Variants in MGA observed in about 807,000 individuals in gnomAD.
MGA encodes the protein MAX dimerization protein MGA, also known as MAX gene-associated protein.
A neutral mutation model predicts 261.1 loss-of-function variants in MGA; 40 were observed. The observed-to-expected ratio is 0.15, with a 90% CI of 0.12 to 0.20. The LOEUF (loss-of-function observed/expected upper bound fraction) is 0.20. MGA is among the 10% of genes least tolerant of loss of function. The pLI, the probability that MGA is intolerant of heterozygous loss-of-function variation, is 1.00. For missense variants in MGA, 3,397 were observed against 3,630.5 expected (o/e 0.94, Z 1.65); for synonymous variants, 1,302 against 1,290.6 (o/e 1.01, Z -0.19).
intron 1 of MGA, among the ~76,000 whole-genome samples, chr15:41,664,188 C>A (rs1304198655): frequency 6.6e-6 from 1 of 152,188 alleles, no homozygotes; most frequent in Non-Finnish European, 1.5e-5. Flanking sequence ...TGTCTTCAGG[C>A]ACATTTTTAC....
At chr15:41,668,666 T>G (rs953225252) in intron 1 of MGA, among the ~76,000 whole-genome samples, 162 bp from the exon 2 acceptor site, 1 of 152,230 alleles carries the variant, frequency 6.6e-6, no homozygotes, top group East Asian at 1.9e-4. Context: ...AGAGTAAATA[T>G]TCTTACTGTG....
rs758843277 is a variant in MGA at position 41,767,255 on chromosome 15, C to A, written c.9173C>A (p.Ala3058Asp). ...GTGGCTAAATTGGGCAACTCGGGGG[C>A]CTCACCAAGTTCTGCAGGGAAATGA... The change falls in exon 24 of 24, where the codon GCC (alanine) becomes GAC (aspartate). Residue 3058 changes from alanine to aspartate, a missense_variant. Ala to Asp is a moderately radical substitution (Grantham distance 126). Coordinates refer to ENST00000219905, the MANE Select transcript of MGA (RefSeq NM_001164273.2). The A allele has an allele frequency of 4.3e-6, 7 of 1,611,940 alleles. No individual in the cohort carries two copies. Among genetic ancestry groups the A allele is most frequent in the Non-Finnish European group, 5.9e-6 (7 of 1,178,656 alleles).
At chr15:41,743,237 GT>G (rs2062219605) in intron 15 of MGA, 65 bp downstream of exon 15, 1 of 1,467,936 alleles carries the variant, frequency 6.8e-7, no homozygotes, top group African/African-American at 1.4e-5. Context: ...CTTTGTGGTT[GT>G]GTTAGGATTA....
intron 13 of MGA, among the ~76,000 whole-genome samples, chr15:41,739,167 A>G (rs2061954725): frequency 6.6e-6 from 1 of 152,128 alleles, no homozygotes; most frequent in South Asian, 2.1e-4. Flanking sequence ...ACAAAAAACA[A>G]CTGTGCTGGT....
intron 9 of MGA, chr15:41,718,286 AGT>A (rs536829836): frequency 1.9e-3 from 399 of 208,746 alleles, no homozygotes; most frequent in Middle Eastern, 6.9e-3. Context: ...GTGTATATGT[AGT>A]GTGTGTGTGT....
intron 2 of MGA, among the ~76,000 whole-genome samples, chr15:41,681,735 G>A (rs1311153828): frequency 6.6e-6 from 1 of 151,856 alleles, no homozygotes; most frequent in Admixed American, 6.6e-5. Context: ...CAGGTGTGAG[G>A]CACCATGCTT....
chr15:41,643,531 C>T (rs1005476604), intron 1 of MGA, among the ~76,000 whole-genome samples: 4 of 151,782 alleles, frequency 2.6e-5, no homozygotes, highest in South Asian at 2.1e-4. Context: ...TGAGCCACTG[C>T]GCCTGGCCCT....
At chr15:41,643,045 G>C (rs1750062607) in intron 1 of MGA, among the ~76,000 whole-genome samples, 1 of 150,820 alleles carries the variant, frequency 6.6e-6, no homozygotes, top group Non-Finnish European at 1.5e-5. Flanking sequence ...TCCAATTATA[G>C]GCATGTGTCA....
rs1305523121 is a variant in MGA at position 41,713,437 on chromosome 15, G to C, written c.3371G>C (p.Gly1124Ala). Residue 1124 changes from glycine (G) to alanine (A), a missense_variant, in exon 9 of 24, where the codon GGA becomes GCA. Physicochemically the swap from Gly to Ala is moderately conservative, Grantham distance 60. Coordinates refer to ENST00000219905, the MANE Select transcript of MGA (RefSeq NM_001164273.2). ...GAGGAGGCAAGGGAGGAGGAAGAAG[G>C]AATCAGGGAGGAGGAGGAACAATTG... 6.4e-7 allele frequency: 1 copy of C among 1,568,194 alleles called. No homozygotes were observed. The highest frequency in any genetic ancestry group is 1.9e-5 in the Admixed American group (1 of 51,876).
At chr15:41,693,087 G>T (rs1035773374) in intron 2 of MGA, among the ~76,000 whole-genome samples, 3 of 152,136 alleles carry the variant, frequency 2.0e-5, no homozygotes, top group African/African-American at 7.2e-5. Context: ...CAGTCTGCCT[G>T]CCTCGGCCTC....
chr15:41,630,234 A>G (rs1203301023), intron 1 of MGA, among the ~76,000 whole-genome samples: 3 of 152,156 alleles, frequency 2.0e-5, no homozygotes, highest in Admixed American at 6.6e-5. Context: ...TCAGTCTTCA[A>G]TATCCACCTT....
At position 41,766,606 on chromosome 15, in the gene MGA, G is replaced by T; in HGVS notation, c.8524G>T (p.Val2842Phe). 6.2e-7 allele frequency: 1 copy of T among 1,614,020 alleles called. No homozygotes were observed. Among genetic ancestry groups the T allele is most frequent in the Non-Finnish European group, 8.5e-7 (1 of 1,179,896 alleles). The change falls in exon 24 of 24, where the codon GTT becomes TTT. Residue 2842 changes from valine to phenylalanine, a missense_variant. Physicochemically the swap from Val to Phe is conservative, Grantham distance 50 (BLOSUM62 -1). Transcript: ENST00000219905. ...TAATCAACAACTAAATGATGACTCT[G>T]TTGGCCTGGCTGAACTACCCAGCTC... is the stretch of plus-strand genomic sequence containing the variant.
At chr15:41,761,954 C>A in intron 21 of MGA, 104 bp downstream of exon 21, 1 of 1,030,232 alleles carries the variant, frequency 9.7e-7, no homozygotes, top group Non-Finnish European at 1.4e-6. Flanking sequence ...TTGGCTCCCA[C>A]AGTTTACAGC....
chr15:41,722,291 G>A (rs1005423784), intron 9 of MGA, among the ~76,000 whole-genome samples: 10 of 151,790 alleles, frequency 6.6e-5, no homozygotes, highest in Admixed American at 2.6e-4. Context: ...CACCACACCC[G>A]GCTAATTTTT....
Position 41,766,164 on chromosome 15 carries a change from C to T in MGA, c.8082C>T (p.Ser2694=). 6.2e-7 allele frequency: 1 copy of T among 1,613,962 alleles called. No individual in the cohort carries two copies. Residue 2694 remains serine, a synonymous_variant, in exon 24 of 24, where the codon TCC becomes TCT. Coordinates refer to ENST00000219905, the MANE Select transcript of MGA (RefSeq NM_001164273.2). ...ACACCGTCAGGAATGAAGATAATTC[C>T]TTAGAGGATAAGGGTAGAATCTCTT...
At chr15:41,727,961 T>C (rs1242176956) in intron 10 of MGA, among the ~76,000 whole-genome samples, 1 of 152,176 alleles carries the variant, frequency 6.6e-6, no homozygotes, top group African/African-American at 2.4e-5. Context: ...AAAAATCCTA[T>C]ACTACGATGC....
chr15:41,696,694 A>C lies in MGA; in HGVS notation c.1684A>C (p.Thr562Pro). Residue 562 changes from threonine (T) to proline (P), a missense_variant, in exon 3 of 24, where the codon ACA becomes CCA. Physicochemically the swap from Thr to Pro is conservative, Grantham distance 38 (BLOSUM62 -1). Transcript: ENST00000219905. ...TCCTGATATATCTGACAGCATTAGC[A>C]CAGAAAGAATACTCGACGATTCAAA... 1 of 1,612,886 alleles carries C rather than the reference A, an allele frequency of 6.2e-7. No homozygotes were observed. The highest frequency in any genetic ancestry group is 8.5e-7 in the Non-Finnish European group (1 of 1,179,378).
Position 41,750,201 on chromosome 15 carries a change from C to G in MGA, c.6594C>G (p.Asp2198Glu), listed in dbSNP as rs372066595. 2.5e-6 allele frequency: 4 copies of G among 1,613,620 alleles called. No individual in the cohort carries two copies. Among genetic ancestry groups the G allele is most frequent in the East Asian group, 2.2e-5 (1 of 44,888 alleles). The change falls in exon 17 of 24, where the codon GAC becomes GAG. Residue 2198 changes from aspartate (D) to glutamate (E), a missense_variant. By Grantham distance (45) the Asp-to-Glu change is conservative. Around this residue, in one of 9 missense-constraint regions of MGA, gnomAD observed 1,410 missense variants for 1,386.4 expected, o/e 1.02. Transcript: ENST00000219905. ...CACAGGAATGTAAGAAAGAGGCAGA[C>G]GAGCAGTTAATTAAAGAAACAAAGA...
At position 41,669,338 on chromosome 15, in the gene MGA, T is replaced by C; in HGVS notation, c.444T>C (p.Ala148=). Reference sequence around the variant, plus strand: ...GTTGGTGGGAACCTAGTGGGAAGGCTGAACCTCATGTTTTGGGGAGGGTTT... The same window carrying C: ...GTTGGTGGGAACCTAGTGGGAAGGCCGAACCTCATGTTTTGGGGAGGGTTT... Residue 148 remains alanine, a synonymous_variant, in exon 2 of 24, where the codon GCT becomes GCC. Coordinates refer to ENST00000219905, the MANE Select transcript of MGA (RefSeq NM_001164273.2). 4 of 1,614,050 alleles carry C rather than the reference T, an allele frequency of 2.5e-6. No homozygotes were observed. The highest frequency in any genetic ancestry group is 2.7e-5 in the African/African-American group (2 of 75,058).
Sources: gnomAD v4.1 joint callset for allele counts (sites outside exome capture counted in the v4.1 genomes callset) on GRCh38, gnomAD v4.1.1 for gene constraint, gnomAD v4.1.1 regional missense constraint, MANE v1.5 for transcripts, NCBI Gene and HGNC (gene_info 2026-07-23, HGNC 2026-07-21) for gene names.